Variants in CCDC69 observed in about 807,000 individuals in gnomAD.
CCDC69 encodes coiled-coil domain containing 69, also known as coiled-coil domain-containing protein 69.
In CCDC69, 38 loss-of-function variants were observed where a neutral mutation model predicts 40.3. The ratio of observed to expected loss-of-function variants is 0.94; its 90% CI spans 0.73 to 1.24. CCDC69 has a LOEUF of 1.24. Ranked by LOEUF, CCDC69 falls within the 50% of genes most tolerant of loss-of-function variation. The pLI is 0.00. For missense variants in CCDC69, 389 were observed against 357.9 expected, an observed-to-expected ratio of 1.09 and a Z score of -0.70; for synonymous variants, 141 against 138.9, an observed-to-expected ratio of 1.02 and a Z score of -0.11.
intron 4 of CCDC69, among the ~76,000 whole-genome samples, chr5:151,196,793 C>A (rs1752707719): frequency 6.6e-6 from 1 of 152,190 alleles, no homozygotes; most frequent in Non-Finnish European, 1.5e-5. Context: ...AGTGGTACAG[C>A]CCCTGTGGAA....
At chr5:151,186,558 T>C (rs1752522656) in intron 5 of CCDC69, among the ~76,000 whole-genome samples, 1 of 152,032 alleles carries the variant, frequency 6.6e-6, no homozygotes. Flanking sequence ...AACAATGTCC[T>C]GCTATAAAAG....
At chr5:151,187,572 G>A (rs1752542737) in intron 4 of CCDC69, 113 bp from the exon 5 acceptor site, 10 of 821,458 alleles carry the variant, frequency 1.2e-5, no homozygotes, top group South Asian at 5.8e-5. Flanking sequence ...TAGAGGCCAG[G>A]AGTCTAGGAA....
At chr5:151,203,863 TA>T (rs1752814565) in intron 2 of CCDC69, among the ~76,000 whole-genome samples, 1 of 140,508 alleles carries the variant, frequency 7.1e-6, no homozygotes, top group African/African-American at 2.6e-5. Context: ...AGTATATATA[TA>T]AAATATATAT....
chr5:151,186,456 G>A (rs1452403081), intron 5 of CCDC69, among the ~76,000 whole-genome samples: 1 of 151,586 alleles, frequency 6.6e-6, no homozygotes, highest in African/African-American at 2.4e-5. Flanking sequence ...GGAGGGAGAA[G>A]GAGAAGGAGA....
chr5:151,210,216 C>G (rs2113999524), intron 1 of CCDC69, among the ~76,000 whole-genome samples: 1 of 152,288 alleles, frequency 6.6e-6, no homozygotes, highest in Non-Finnish European at 1.5e-5. Context: ...ATTGTTTCCA[C>G]TTTTTAATTT....
chr5:151,195,851 G>A (rs1206121227), intron 4 of CCDC69, among the ~76,000 whole-genome samples: 1 of 151,634 alleles, frequency 6.6e-6, no homozygotes, highest in Non-Finnish European at 1.5e-5. Context: ...TTGCAATAAT[G>A]TGTGCTAATG....
At chr5:151,207,575 G>A (rs1237297204) in intron 1 of CCDC69, among the ~76,000 whole-genome samples, 1 of 152,202 alleles carries the variant, frequency 6.6e-6, no homozygotes, top group Non-Finnish European at 1.5e-5. Context: ...ACAGGCATGA[G>A]CCACTGTACC....
chr5:151,188,513 G>A (rs1752559177), intron 4 of CCDC69, among the ~76,000 whole-genome samples: 1 of 151,820 alleles, frequency 6.6e-6, no homozygotes, highest in Non-Finnish European at 1.5e-5. Context: ...GCTGAGGCAG[G>A]AGAATGGCTT....
intron 3 of CCDC69, 85 bp downstream of exon 3, chr5:151,201,497 A>C (rs1351416390): frequency 7.0e-6 from 6 of 859,322 alleles, no homozygotes; most frequent in Non-Finnish European, 1.1e-5. Context: ...AACAGCAACA[A>C]AAACCTAAGG....
intron 4 of CCDC69, among the ~76,000 whole-genome samples, chr5:151,193,351 A>AAC (rs1752649153): frequency 6.6e-6 from 1 of 150,806 alleles, no homozygotes; most frequent in African/African-American, 2.4e-5. Flanking sequence ...ACAAAAAAAA[A>AAC]AAAAAAAAAA....
At chr5:151,215,631 C>T (rs1376258744) in intron 1 of CCDC69, 1 of 426,270 alleles carries the variant, frequency 2.3e-6, no homozygotes, top group Non-Finnish European at 4.9e-6. Context: ...TCCACACCAT[C>T]CCCTGTTCTT....
intron 1 of CCDC69, among the ~76,000 whole-genome samples, chr5:151,205,988 C>G (rs115416481): frequency 6.3e-4 from 96 of 152,304 alleles, no homozygotes; most frequent in South Asian, 2.5e-3. Flanking sequence ...CTCTCCCCAT[C>G]AGTGCTGCAG....
intron 1 of CCDC69, among the ~76,000 whole-genome samples, chr5:151,217,625 T>C (rs1245371556): frequency 6.6e-6 from 1 of 152,160 alleles, no homozygotes; most frequent in African/African-American, 2.4e-5. Context: ...TCCCAGATCC[T>C]GGTGGGTGCT....
At chr5:151,200,836 C>A (rs537924260) in intron 3 of CCDC69, among the ~76,000 whole-genome samples, 1 of 152,202 alleles carries the variant, frequency 6.6e-6, no homozygotes, top group Non-Finnish European at 1.5e-5. Flanking sequence ...TTTAGAGAAG[C>A]CTTCTCTGAT....
chr5:151,190,825 A>G (rs886758043), intron 4 of CCDC69, among the ~76,000 whole-genome samples: 1 of 152,096 alleles, frequency 6.6e-6, no homozygotes, highest in Non-Finnish European at 1.5e-5. Flanking sequence ...AAAAAGCAGG[A>G]AAGGGAAAAC....
chr5:151,191,886 C>A (rs943710733), intron 4 of CCDC69, among the ~76,000 whole-genome samples: 4 of 151,778 alleles, frequency 2.6e-5, no homozygotes, highest in Non-Finnish European at 5.9e-5. Flanking sequence ...GAATTTGAGA[C>A]CAGCCTGGGT....
At position 151,182,434 on chromosome 5, in the gene CCDC69, A is replaced by G. The variant is rs1378937696; in HGVS notation, c.*1003T>C. ...GGGAGGAGGAGTTAAGGCAGGGAGC[A>G]GGAATGAAAAAGAAACTAAGTGGGT... On this transcript the variant is annotated 3_prime_UTR_variant, in exon 9 of 9. Transcript: ENST00000355417. 1.3e-5 allele frequency: 2 copies of G among 151,826 alleles called. No individual in the cohort carries two copies. Among genetic ancestry groups the G allele is most frequent in the African/African-American group, 4.9e-5 (2 of 40,838 alleles). The allele number at this position is 151,826 out of a possible 1,614,324, so 9.4% of individuals were successfully genotyped here.
intron 7 of CCDC69, chr5:151,184,675 T>A (rs1752451994): frequency 2.2e-6 from 1 of 452,842 alleles, no homozygotes; most frequent in Non-Finnish European, 4.0e-6. Flanking sequence ...TACCATCTCA[T>A]TTCACCATGA....
chr5:151,217,300 T>G (rs532379297), intron 1 of CCDC69, among the ~76,000 whole-genome samples: 6 of 152,212 alleles, frequency 3.9e-5, no homozygotes, highest in Non-Finnish European at 8.8e-5. Context: ...CAATGGGCCC[T>G]GTCCAGGCAC....
Sources: allele counts gnomAD v4.1 joint callset (sites outside exome capture counted in the v4.1 genomes callset), GRCh38; gene constraint gnomAD v4.1.1; transcripts MANE v1.5; gene names NCBI Gene and HGNC (gene_info 2026-07-23, HGNC 2026-07-21).